HIBADH: variants seen among roughly 807,000 people sequenced by gnomAD.
HIBADH encodes the protein 3-hydroxyisobutyrate dehydrogenase, mitochondrial.
HIBADH carries 25 observed loss-of-function variants against 36.1 expected under a neutral mutation model. The ratio of observed to expected loss-of-function variants is 0.69; its 90% CI spans 0.50 to 0.97. The LOEUF is 0.97. HIBADH is among the 50% of genes least tolerant of loss of function. The probability of loss-of-function intolerance (pLI) is 0.00; values close to 1 mark genes in which losing one functional copy is unlikely to be tolerated. For synonymous variants in HIBADH, 160 were observed against 149.5 expected (o/e 1.07, Z -0.51); for missense variants, 421 against 418.0 (o/e 1.01, Z -0.06).
intron 4 of HIBADH, among the ~76,000 whole-genome samples, chr7:27,572,156 G>A (rs1784638212): frequency 6.6e-6 from 1 of 152,078 alleles, no homozygotes; most frequent in Non-Finnish European, 1.5e-5. Context: ...CCTGTTTTCT[G>A]GAATCAGCAT....
chr7:27,534,176 A>G (rs547995410), intron 6 of HIBADH, among the ~76,000 whole-genome samples: 35 of 152,344 alleles, frequency 2.3e-4, no homozygotes, highest in Non-Finnish European at 4.1e-4. Flanking sequence ...AAAAATTTAA[A>G]AAATTAAACA....
chr7:27,655,612 A>T (rs887278466), intron 1 of HIBADH, among the ~76,000 whole-genome samples: 2 of 152,210 alleles, frequency 1.3e-5, no homozygotes, highest in African/African-American at 2.4e-5. Context: ...TACAAATAAG[A>T]AAAACACTCT....
chr7:27,647,456 A>T (rs141626109), intron 2 of HIBADH, among the ~76,000 whole-genome samples: 136 of 152,348 alleles, frequency 8.9e-4, no homozygotes, highest in Admixed American at 3.1e-3. Flanking sequence ...AACATTAGGG[A>T]TATTATTTAG....
chr7:27,626,041 T>G (rs1785635686), intron 4 of HIBADH, among the ~76,000 whole-genome samples: 1 of 137,898 alleles, frequency 7.3e-6, no homozygotes, highest in East Asian at 2.1e-4. Flanking sequence ...AGGCAGAGGT[T>G]GCAGTGAGCC....
intron 4 of HIBADH, among the ~76,000 whole-genome samples, chr7:27,626,104 G>GACAA (rs1554299830): frequency 1.4e-4 from 10 of 72,504 alleles, no homozygotes; most frequent in Admixed American, 4.2e-4. Context: ...CTCCGTCTCA[G>GACAA]AAAAAAAAAA....
At chr7:27,545,680 G>C (rs1346080508) in intron 4 of HIBADH, among the ~76,000 whole-genome samples, 1 of 152,126 alleles carries the variant, frequency 6.6e-6, no homozygotes, top group African/African-American at 2.4e-5. Flanking sequence ...GTAGTTGCTA[G>C]AATACTGAAA....
chr7:27,567,418 T>C (rs2128187577), intron 4 of HIBADH, among the ~76,000 whole-genome samples: 1 of 152,322 alleles, frequency 6.6e-6, no homozygotes, highest in Non-Finnish European at 1.5e-5. Context: ...TGGTCTCTTT[T>C]TTAAATCCAA....
intron 4 of HIBADH, among the ~76,000 whole-genome samples, chr7:27,594,464 A>AG (rs1784997902): frequency 6.6e-6 from 1 of 152,212 alleles, no homozygotes; most frequent in African/African-American, 2.4e-5. Context: ...TTAAAGTCCT[A>AG]GTAAGAGACA....
intron 2 of HIBADH, among the ~76,000 whole-genome samples, chr7:27,640,197 T>C (rs566713822): frequency 4.6e-5 from 7 of 152,324 alleles, no homozygotes; most frequent in East Asian, 1.9e-4. Flanking sequence ...TGTAAACTCT[T>C]GTTAAACAAC....
chr7:27,636,908 T>C (rs1785850766), intron 2 of HIBADH, among the ~76,000 whole-genome samples: 1 of 152,242 alleles, frequency 6.6e-6, no homozygotes, highest in African/African-American at 2.4e-5. Flanking sequence ...TGGTTTTAAT[T>C]TGTATCTTCA....
intron 7 of HIBADH, among the ~76,000 whole-genome samples, chr7:27,527,917 C>CATTTTTTTTT (rs1562609863): frequency 1.3e-5 from 1 of 77,026 alleles, no homozygotes; most frequent in African/African-American, 5.5e-5. Flanking sequence ...CCACACCCAG[C>CATTTTTTTTT]GTTTTTTTTT....
At chr7:27,588,515 G>A (rs1784895806) in intron 4 of HIBADH, among the ~76,000 whole-genome samples, 1 of 151,926 alleles carries the variant, frequency 6.6e-6, no homozygotes, top group Non-Finnish European at 1.5e-5. Context: ...ATTGCTTGTA[G>A]AGGCAAGGTC....
intron 4 of HIBADH, among the ~76,000 whole-genome samples, chr7:27,601,131 T>G (rs1785123875): frequency 1.3e-5 from 2 of 152,038 alleles, no homozygotes; most frequent in South Asian, 4.1e-4. Context: ...TCATGATGAG[T>G]ATGGGCCGGT....
At chr7:27,529,002 A>G (rs1185206901) in intron 7 of HIBADH, among the ~76,000 whole-genome samples, 1 of 152,192 alleles carries the variant, frequency 6.6e-6, no homozygotes, top group Non-Finnish European at 1.5e-5. Context: ...TGCTGAATCT[A>G]CTCTGCCTGT....
chr7:27,542,517 C>T (rs551018597), intron 5 of HIBADH, among the ~76,000 whole-genome samples: 5 of 137,166 alleles, frequency 3.6e-5, no homozygotes, highest in South Asian at 4.8e-4. Context: ...TCTATCATGG[C>T]TCACTGCAGC....
chr7:27,551,422 T>C (rs1251061891), intron 4 of HIBADH, among the ~76,000 whole-genome samples: 1 of 152,156 alleles, frequency 6.6e-6, no homozygotes. Flanking sequence ...ATTGGAAAGG[T>C]ATATAGCTAT....
At chr7:27,629,068 T>C (rs1260619389) in intron 4 of HIBADH, among the ~76,000 whole-genome samples, 1 of 151,394 alleles carries the variant, frequency 6.6e-6, no homozygotes, top group Non-Finnish European at 1.5e-5. Flanking sequence ...TTTAAGCTGA[T>C]TTTTTTTTCA....
chr7:27,639,426 T>C (rs1426383278), intron 2 of HIBADH, among the ~76,000 whole-genome samples: 1 of 151,750 alleles, frequency 6.6e-6, no homozygotes, highest in Non-Finnish European at 1.5e-5. Flanking sequence ...AACAGACACT[T>C]GAGACTACCT....
chr7:27,630,269 T>C (rs1031102339), intron 3 of HIBADH, among the ~76,000 whole-genome samples: 4 of 152,164 alleles, frequency 2.6e-5, no homozygotes, highest in Admixed American at 2.6e-4. Flanking sequence ...CCCAAGTAGC[T>C]GCGACCACAG....
Sources: gnomAD v4.1 joint callset for allele counts (sites outside exome capture counted in the v4.1 genomes callset) on GRCh38, gnomAD v4.1.1 for gene constraint, MANE v1.5 for transcripts, NCBI Gene and HGNC (gene_info 2026-07-23, HGNC 2026-07-21) for gene names.